Variants in CIAO3 observed in about 807,000 individuals in gnomAD.
The protein encoded by CIAO3 is cytosolic iron-sulfur assembly component 3.
CIAO3 carries 45 observed loss-of-function variants against 51.5 expected under a neutral mutation model. The ratio of observed to expected loss-of-function variants is 0.87; its 90% confidence interval spans 0.69 to 1.12. CIAO3 has a LOEUF of 1.12. Among genes scored for constraint, CIAO3 ranks in the 50% most tolerant of loss-of-function variants. CIAO3 has a pLI of 0.00. For missense variants in CIAO3, 668 were observed against 632.5 expected (o/e 1.06, Z -0.60); for synonymous variants, 314 against 269.3 (o/e 1.17, Z -1.63).
chr16:731,153 G>T, intron 9 of CIAO3, 153 bp from the exon 10 acceptor site: 1 of 1,018,016 alleles, frequency 9.8e-7, no homozygotes, highest in Non-Finnish European at 1.4e-6. Flanking sequence ...AGAACGGAGA[G>T]AGAGGGTGGA....
rs569371772 is a variant in CIAO3, at chr16:739,653, T to A, written c.152A>T (p.Gln51Leu). The A allele has an allele frequency of 6.2e-7, 1 of 1,614,100 alleles. No homozygotes were observed. The highest frequency in any genetic ancestry group is 1.3e-5 in the African/African-American group (1 of 75,044). Residue 51 changes from glutamine to leucine, a missense_variant, in exon 2 of 11, where the codon CAA (glutamine) becomes CTA (leucine). By Grantham distance (113) the Gln-to-Leu change is moderately radical (BLOSUM62 -2). Coordinates refer to ENST00000251588, the MANE Select transcript of CIAO3 (RefSeq NM_022493.3). ...IRIEDDGSYF[Q>L]INQDGGTRRL... Reference sequence around the variant, plus strand: ...CCTCCTGTGCCTTACTTGGTTAATTTGGAAGTAGCTCCCGTCATCTTCAAT... The same window carrying A: ...CCTCCTGTGCCTTACTTGGTTAATTAGGAAGTAGCTCCCGTCATCTTCAAT...
At position 732,329 on chromosome 16, in the gene CIAO3, C is replaced by T. The variant is rs368081272; in HGVS notation, c.868G>A (p.Asp290Asn). The change falls in exon 8 of 11, where the codon GAC becomes AAC. Residue 290 changes from aspartate to asparagine, a missense_variant. Transcript: ENST00000251588. ...CTGTCCAGAGGGGCTGGTTCCAGGTCGGGGAGGGAGACGCCCTCTTCCTCC... is the reference window on the plus strand; with the variant it reads ...CTGTCCAGAGGGGCTGGTTCCAGGTTGGGGAGGGAGACGCCCTCTTCCTCC... ...LLEEEGVSLP[D>N]LEPAPLDSLC... The T allele has an allele frequency of 1.6e-5, 25 of 1,612,630 alleles. No homozygotes were observed. Among genetic ancestry groups the T allele is most frequent in the Middle Eastern group, 1.6e-4 (1 of 6,080 alleles).
chr16:739,854 T>G (rs934994614), intron 1 of CIAO3, 116 bp from the exon 2 acceptor site: 1 of 1,273,204 alleles, frequency 7.9e-7, no homozygotes. Flanking sequence ...CCAGGAGCCA[T>G]GCACTCAGGG....
At chr16:733,257 C>T (rs1233104350) in intron 7 of CIAO3, 41 bp downstream of exon 7, 1 of 1,608,064 alleles carries the variant, frequency 6.2e-7, no homozygotes, top group Non-Finnish European at 8.5e-7. Context: ...GGAATCAGAC[C>T]AGGAGGCTTG....
intron 5 of CIAO3, 26 bp from the exon 6 acceptor site, chr16:734,373 C>G: frequency 6.5e-7 from 1 of 1,548,448 alleles, no homozygotes; most frequent in Non-Finnish European, 8.8e-7. Context: ...GCACACGGGG[C>G]TGGCGGGGGC....
chr16:739,468 G>A (rs1428761864), intron 2 of CIAO3, 175 bp downstream of exon 2: 1 of 654,124 alleles, frequency 1.5e-6, no homozygotes. Flanking sequence ...TCATTCACCT[G>A]CCCCAGGCAC....
chr16:740,850 C>A, intron 1 of CIAO3, 70 bp downstream of exon 1: 1 of 1,416,994 alleles, frequency 7.1e-7, no homozygotes, highest in Non-Finnish European at 9.6e-7. Flanking sequence ...AAGTGGGGCG[C>A]AGAGCAATTT....
intron 4 of CIAO3, among the ~76,000 whole-genome samples, chr16:736,033 C>G (rs2041333597): frequency 6.6e-6 from 1 of 152,180 alleles, no homozygotes; most frequent in Non-Finnish European, 1.5e-5. Flanking sequence ...AGTTGGTCAG[C>G]CCCAGCTTAG....
chr16:732,621 A>C (rs1191286579), intron 7 of CIAO3: 2 of 609,974 alleles, frequency 3.3e-6, no homozygotes, highest in South Asian at 3.1e-5. Context: ...CCATCTGTCC[A>C]TCCTCTTAGG....
rs2041383001 is a variant in CIAO3, at chr16:740,848, C to A, written c.66+72G>T. The A allele has an allele frequency of 1.4e-5, 20 of 1,400,790 alleles. No individual in the cohort carries two copies. The South Asian group carries it at 2.5e-4, about 17-fold the overall frequency. 86.8% of individuals were successfully genotyped at this position (1,400,790 alleles called of 1,614,324 possible). ...TCATTCCTCAGGGGAGGAAGTGGGGCGCAGAGCAATTTCCCTCCGCGCGAC... is the reference window on the plus strand; with the variant it reads ...TCATTCCTCAGGGGAGGAAGTGGGGAGCAGAGCAATTTCCCTCCGCGCGAC... On this transcript the variant is annotated intron_variant, in intron 1 of 10. Coordinates refer to ENST00000251588, the MANE Select transcript of CIAO3 (RefSeq NM_022493.3).
intron 3 of CIAO3, among the ~76,000 whole-genome samples, chr16:736,630 A>G (rs2041341377): frequency 6.6e-6 from 1 of 151,898 alleles, no homozygotes; most frequent in Non-Finnish European, 1.5e-5. Context: ...CCTCCTGGGT[A>G]GATGGGATTA....
At chr16:734,388 G>C in intron 5 of CIAO3, 41 bp from the exon 6 acceptor site, 1 of 1,436,574 alleles carries the variant, frequency 7.0e-7, no homozygotes, top group East Asian at 2.3e-5. Flanking sequence ...GGGGGCGCAC[G>C]GCGGCCCCCG....
intron 9 of CIAO3, chr16:731,228 C>T (rs994406104): frequency 5.3e-5 from 34 of 646,320 alleles, no homozygotes; most frequent in African/African-American, 5.5e-5. Context: ...GTGAAACAGG[C>T]CTCCCTCCCC....
In CIAO3 at chr16:732,065, A is replaced by C. The variant is rs546442290; in HGVS notation, c.896+236T>G. 4 of 551,714 alleles carry C rather than the reference A, an allele frequency of 7.3e-6. No homozygotes were observed. In the Admixed American group the frequency reaches 9.7e-5, roughly 13 times the overall value. The allele number at this position is 551,714 out of a possible 1,614,324, so 34.2% of individuals were successfully genotyped here. A position where few individuals can be genotyped will look rare whatever the true frequency, so the allele number is the denominator to read the frequency against. ...GCTAAATTTTGTATTTTTAGTAGAGATGAGGTTTCACCATGTTGGCCGAGC... is the reference window on the plus strand; with the variant it reads ...GCTAAATTTTGTATTTTTAGTAGAGCTGAGGTTTCACCATGTTGGCCGAGC... On this transcript the variant is annotated intron_variant, in intron 8 of 10. Transcript: ENST00000251588.
At chr16:732,728 C>G (rs898574663) in intron 7 of CIAO3, 3 of 359,318 alleles carry the variant, frequency 8.3e-6, no homozygotes, top group Non-Finnish European at 1.6e-5. Flanking sequence ...CCTCTGCCCC[C>G]CGGGATCAAG....
chr16:737,880 G>A lies in CIAO3; in HGVS notation c.163-551C>T. The A allele has an allele frequency of 1.7e-6, 2 of 1,182,174 alleles. No individual in the cohort carries two copies. Among genetic ancestry groups the A allele is most frequent in the Non-Finnish European group, 1.1e-6 (1 of 938,146 alleles). 73.2% of individuals were successfully genotyped at this position (1,182,174 alleles called of 1,614,324 possible). On this transcript the variant is annotated intron_variant, in intron 2 of 10. Coordinates refer to ENST00000251588, the MANE Select transcript of CIAO3 (RefSeq NM_022493.3). This position sits in a 1 kb window ranked among gnomAD's most constrained non-coding sequence, Gnocchi z 5.3. Reference sequence around the variant, plus strand: ...TCGGGGGCCTCCGGGACATGCCTCAGCAACTTTTCTTACATGCAAAACGCA... The same window carrying A: ...TCGGGGGCCTCCGGGACATGCCTCAACAACTTTTCTTACATGCAAAACGCA...
rs369710101 is a variant in CIAO3, at chr16:730,944, A to C, written c.1091T>G (p.Phe364Cys). The change falls in exon 10 of 11, where the codon TTC becomes TGC. Residue 364 changes from phenylalanine (F) to cysteine (C), a missense_variant. Coordinates refer to ENST00000251588, the MANE Select transcript of CIAO3 (RefSeq NM_022493.3). ...LEKEGQVLLH[F>C]AMAYGFRNIQ... is the part of the protein sequence containing the mutation. The stretch of plus-strand genomic sequence containing the variant: ...GTTGCGGAAGCCGTACGCCATTGCG[A>C]AGTGCAGCAGCACCTGGCCCTCCTT... 2 of 1,612,978 alleles carry C rather than the reference A, an allele frequency of 1.2e-6. No homozygotes were observed. The highest frequency in any genetic ancestry group is 1.7e-6 in the Non-Finnish European group (2 of 1,179,990).
chr16:740,473 T>G, intron 1 of CIAO3: 1 of 293,128 alleles, frequency 3.4e-6, no homozygotes, highest in African/African-American at 2.2e-5. Flanking sequence ...GGCTGTGGCT[T>G]GGGGGTCCTG....
Position 730,333 on chromosome 16 carries a change from T to TA in CIAO3, c.*83_*84insT, listed in dbSNP as rs969591755. ...ACACCCTGCAGCTCACTCAGAATTT[T>TA]GGGGGAAGCCCTGGGGTCTTGGGGC... On this transcript the variant is annotated 3_prime_UTR_variant, in exon 11 of 11. Transcript: ENST00000251588. 13 of 1,383,472 alleles carry TA rather than the reference T, an allele frequency of 9.4e-6. No homozygotes were observed. The African/African-American group carries it at 1.8e-4, about 20-fold the overall frequency. 85.7% of individuals were successfully genotyped at this position (1,383,472 alleles called of 1,614,324 possible).
Sources: allele counts gnomAD v4.1 joint callset (sites outside exome capture counted in the v4.1 genomes callset), GRCh38; gene constraint gnomAD v4.1.1; non-coding constraint Gnocchi (gnomAD v3.1); transcripts MANE v1.5; gene names NCBI Gene and HGNC (gene_info 2026-07-23, HGNC 2026-07-21).